The following SKIC3 variants were observed in gnomAD, a reference collection of about 807,000 sequenced individuals.
SKIC3 encodes the protein SKI3 subunit of superkiller complex.
chr5:95,505,431 A>G, the SKIC3 span, among the ~76,000 whole-genome samples: 1 of 152,220 alleles, frequency 6.6e-6, no homozygotes, highest in African/African-American at 2.4e-5. Flanking sequence ...ACTATCTTCT[A>G]AGATGTGCGT....
At chr5:95,464,525 T>C in the SKIC3 span, 2 of 1,073,656 alleles carry the variant, frequency 1.9e-6, no homozygotes, top group Non-Finnish European at 2.8e-6. Flanking sequence ...TTTAAAAAAA[T>C]GTTGCTTTGG....
chr5:95,530,334 T>C, the SKIC3 span: 5 of 1,254,302 alleles, frequency 4.0e-6, no homozygotes, highest in African/African-American at 4.5e-5. Flanking sequence ...TTATGCATTC[T>C]TCACCACATG....
chr5:95,480,236 A>G, the SKIC3 span, among the ~76,000 whole-genome samples: 1 of 152,168 alleles, frequency 6.6e-6, no homozygotes, highest in African/African-American at 2.4e-5. Flanking sequence ...ATCAGACTTC[A>G]TCAGAATTAA....
At chr5:95,532,720 T>C in the SKIC3 span, among the ~76,000 whole-genome samples, 2 of 152,134 alleles carry the variant, frequency 1.3e-5, no homozygotes, top group Admixed American at 6.5e-5. Flanking sequence ...TTAACAACTT[T>C]AAAACAGTTA....
chr5:95,508,556 C>T, the SKIC3 span, among the ~76,000 whole-genome samples: 1 of 152,218 alleles, frequency 6.6e-6, no homozygotes, highest in Non-Finnish European at 1.5e-5. Flanking sequence ...CCTCAGTTCA[C>T]TGAAGTCAGG....
At chr5:95,552,066 T>C in the SKIC3 span, among the ~76,000 whole-genome samples, 1 of 152,206 alleles carries the variant, frequency 6.6e-6, no homozygotes, top group Non-Finnish European at 1.5e-5. Flanking sequence ...AAACGGCCCC[T>C]GACTTACAAA....
chr5:95,473,768 TCTTG>T, the SKIC3 span, among the ~76,000 whole-genome samples: 2 of 152,228 alleles, frequency 1.3e-5, no homozygotes, highest in African/African-American at 4.8e-5. Flanking sequence ...GGGTTATGCT[TCTTG>T]CTTGCTGATT....
the SKIC3 span, chr5:95,547,090 C>A: frequency 6.2e-7 from 1 of 1,613,238 alleles, no homozygotes; most frequent in Non-Finnish European, 8.5e-7. Flanking sequence ...TCTTTGTATT[C>A]TTTGTTTCTG....
At chr5:95,475,353 A>C in the SKIC3 span, among the ~76,000 whole-genome samples, 1 of 152,128 alleles carries the variant, frequency 6.6e-6, no homozygotes, top group Admixed American at 6.5e-5. Context: ...TGAATGGTTT[A>C]GCACCATTCC....
At chr5:95,514,449 A>T in the SKIC3 span, among the ~76,000 whole-genome samples, 1 of 152,220 alleles carries the variant, frequency 6.6e-6, no homozygotes, top group African/African-American at 2.4e-5. Flanking sequence ...TTACAGAAAC[A>T]TAATATTCAA....
chr5:95,492,652 G>GAAAAAAAAAAAAAC, the SKIC3 span, among the ~76,000 whole-genome samples: 1 of 48,836 alleles, frequency 2.0e-5, no homozygotes, highest in Non-Finnish European at 3.1e-5. Context: ...AAAAAAAAAA[G>GAAAAAAAAAAAAAC]AAAAAAAAAA....
the SKIC3 span, chr5:95,517,156 G>A: frequency 3.1e-6 from 5 of 1,613,152 alleles, no homozygotes; most frequent in Admixed American, 6.7e-5. Context: ...CTTCCTCCAA[G>A]GTGGAGGAGC....
the SKIC3 span, chr5:95,540,863 C>G: frequency 6.2e-7 from 1 of 1,610,300 alleles, no homozygotes; most frequent in African/African-American, 1.3e-5. Flanking sequence ...ATTATTTTGT[C>G]CAAAATGTAA....
chr5:95,522,062 G>T, the SKIC3 span: 5 of 1,613,320 alleles, frequency 3.1e-6, no homozygotes, highest in Admixed American at 6.7e-5. Flanking sequence ...ACCTTTTAAA[G>T]CAGGCACATA....
the SKIC3 span, among the ~76,000 whole-genome samples, chr5:95,547,324 T>C: frequency 3.9e-5 from 6 of 152,284 alleles, no homozygotes; most frequent in African/African-American, 7.2e-5. Context: ...TTCAGATCTG[T>C]ACTCAAATGT....
the SKIC3 span, among the ~76,000 whole-genome samples, chr5:95,521,155 C>T: frequency 1.1e-4 from 16 of 152,040 alleles, no homozygotes; most frequent in East Asian, 2.5e-3. Context: ...GATATTACTA[C>T]TTATTAACTA....
the SKIC3 span, chr5:95,529,373 A>C: frequency 4.1e-6 from 2 of 486,076 alleles, no homozygotes; most frequent in Non-Finnish European, 7.5e-6. Context: ...TAGCTAGAAT[A>C]TCTCTAAAAA....
chr5:95,529,649 G>A, the SKIC3 span, among the ~76,000 whole-genome samples: 1 of 151,958 alleles, frequency 6.6e-6, no homozygotes, highest in Admixed American at 6.6e-5. Flanking sequence ...CACCTACCTG[G>A]CTTGTATTTA....
chr5:95,479,648 G>C, the SKIC3 span, among the ~76,000 whole-genome samples: 1 of 150,292 alleles, frequency 6.7e-6, no homozygotes, highest in Non-Finnish European at 1.5e-5. Context: ...TTTATCATAG[G>C]TATGCATGTA....
Sources: allele counts gnomAD v4.1 joint callset (sites outside exome capture counted in the v4.1 genomes callset), GRCh38; gene constraint gnomAD v4.1.1; transcripts MANE v1.5; gene names NCBI Gene and HGNC (gene_info 2026-07-23, HGNC 2026-07-21).